Variants in UNC5D observed in about 807,000 individuals in gnomAD.
UNC5D encodes unc-5 netrin receptor D, also known as netrin receptor UNC5D.
Under a neutral mutation model 105.4 loss-of-function variants are expected in UNC5D, and 39 were observed. The observed-to-expected ratio is 0.37, with a 90% CI of 0.29 to 0.48. The LOEUF is 0.48. Ranked by LOEUF, UNC5D falls within the 20% of genes least tolerant of loss-of-function variation. The probability of loss-of-function intolerance (pLI) is 0.98; values close to 1 mark genes in which losing one functional copy is unlikely to be tolerated. For synonymous variants in UNC5D, 452 were observed against 450.4 expected, an observed-to-expected ratio of 1.00 and a Z score of -0.04; for missense variants, 991 against 1,202.4, an observed-to-expected ratio of 0.82 and a Z score of 2.60.
chr8:35,332,634 T>C (rs1479567253), intron 1 of UNC5D, among the ~76,000 whole-genome samples: 1 of 152,190 alleles, frequency 6.6e-6, no homozygotes, highest in Non-Finnish European at 1.5e-5. Flanking sequence ...TGCAACCAAC[T>C]ATCAATTTTA....
intron 2 of UNC5D, among the ~76,000 whole-genome samples, chr8:35,564,412 T>G (rs1817183664): frequency 6.6e-6 from 1 of 152,178 alleles, no homozygotes; most frequent in Non-Finnish European, 1.5e-5. Flanking sequence ...TACCTCCTCC[T>G]ACCTGTATGC....
chr8:35,451,539 C>T (rs1808154573), intron 1 of UNC5D, among the ~76,000 whole-genome samples: 2 of 152,092 alleles, frequency 1.3e-5, no homozygotes. Context: ...AGATGACTTG[C>T]CCAAGGTCAC....
chr8:35,655,327 T>C (rs776640526), intron 4 of UNC5D, among the ~76,000 whole-genome samples: 43 of 152,164 alleles, frequency 2.8e-4, no homozygotes, highest in Admixed American at 1.1e-3. Context: ...ATATAACAAG[T>C]ATTTGCACAC....
chr8:35,456,449 A>G (rs1808501820), intron 1 of UNC5D, among the ~76,000 whole-genome samples: 1 of 152,196 alleles, frequency 6.6e-6, no homozygotes, highest in African/African-American at 2.4e-5. Context: ...AGCCCCAATT[A>G]TAAGTTTGGA....
In UNC5D at chr8:35,686,695, G is replaced by T. The variant is rs750078389; in HGVS notation, c.1070G>T (p.Gly357Val). 6.3e-7 allele frequency: 1 copy of T among 1,596,496 alleles called. No individual in the cohort carries two copies. Among genetic ancestry groups the T allele is most frequent in the African/African-American group, 1.4e-5 (1 of 73,678 alleles). The change falls in exon 7 of 17, where the codon GGT becomes GTT. Residue 357 changes from glycine to valine, a missense_variant. This residue lies in a region of UNC5D where 944 missense variants were observed against 1,131.6 expected (regional missense o/e 0.83). Transcript: ENST00000404895. Reference sequence around the variant, plus strand: ...CAGGAATCTGAAAACTGCACAGATGGTCTTTGCATCCTAGGTAACACTTTT... The same window carrying T: ...CAGGAATCTGAAAACTGCACAGATGTTCTTTGCATCCTAGGTAACACTTTT... ...LSQESENCTDGLCILDKKPLH... is the reference protein window; with the variant it reads ...LSQESENCTDVLCILDKKPLH...
chr8:35,413,000 T>G (rs1296813081), intron 1 of UNC5D, among the ~76,000 whole-genome samples: 2 of 152,082 alleles, frequency 1.3e-5, no homozygotes, highest in African/African-American at 4.8e-5. Flanking sequence ...ATATGAAATG[T>G]CCTGGTTCTA....
At chr8:35,366,446 T>C (rs531888169) in intron 1 of UNC5D, among the ~76,000 whole-genome samples, 19 of 152,204 alleles carry the variant, frequency 1.2e-4, no homozygotes, top group African/African-American at 4.3e-4. Context: ...ATGTAACTTC[T>C]CAGGCAGTAT....
rs571320237 is a variant in UNC5D, at chr8:35,329,705, CT to C, written c.103+93819del. Among the ~76,000 whole-genome samples the C allele has an allele frequency of 5.5e-4, 83 of 152,252 alleles. 1 individual carries two copies. The highest frequency in any genetic ancestry group is 1.1e-3 in the Non-Finnish European group (77 of 68,026). ...ATTTTAAAAAGTCTGTAACTGGGGCCTAGTGCAATTGCCCCAGGAGGCCCTC... is the reference window on the plus strand; with the variant it reads ...ATTTTAAAAAGTCTGTAACTGGGGCCAGTGCAATTGCCCCAGGAGGCCCTC... On this transcript the variant is annotated intron_variant, in intron 1 of 16. Transcript: ENST00000404895.
At chr8:35,243,732 A>G (rs540550762) in intron 1 of UNC5D, among the ~76,000 whole-genome samples, 50 of 152,290 alleles carry the variant, frequency 3.3e-4, no homozygotes, top group Middle Eastern at 6.8e-3. Flanking sequence ...CCTTATCCCA[A>G]CATGGTGTGG....
intron 8 of UNC5D, among the ~76,000 whole-genome samples, chr8:35,721,212 C>T (rs1828564622): frequency 6.6e-6 from 1 of 151,908 alleles, no homozygotes; most frequent in Admixed American, 6.6e-5. Flanking sequence ...TTAGCACTTG[C>T]CATCCTCCAT....
chr8:35,270,465 G>T (rs532481456), intron 1 of UNC5D, among the ~76,000 whole-genome samples: 24 of 152,268 alleles, frequency 1.6e-4, no homozygotes, highest in Non-Finnish European at 2.9e-4. Flanking sequence ...TTCTGACTCT[G>T]ATTATATTGA....
intron 1 of UNC5D, among the ~76,000 whole-genome samples, chr8:35,247,639 A>G (rs1474642438): frequency 9.3e-4 from 59 of 63,652 alleles, no homozygotes; most frequent in African/African-American, 2.8e-3. Flanking sequence ...TATAATATAT[A>G]AATATATATT....
intron 1 of UNC5D, among the ~76,000 whole-genome samples, chr8:35,314,911 G>A (rs1050445345): frequency 2.6e-5 from 4 of 152,090 alleles, no homozygotes; most frequent in Admixed American, 6.6e-5. Flanking sequence ...TAAACACCAC[G>A]TAATGCTGTA....
chr8:35,441,634 G>A (rs1419997865), intron 1 of UNC5D, among the ~76,000 whole-genome samples: 1 of 151,676 alleles, frequency 6.6e-6, no homozygotes, highest in East Asian at 1.9e-4. Flanking sequence ...GTGGGTCACT[G>A]GCTTTCAAAG....
intron 1 of UNC5D, among the ~76,000 whole-genome samples, chr8:35,334,190 C>T (rs760787398): frequency 7.2e-5 from 11 of 152,004 alleles, no homozygotes; most frequent in Non-Finnish European, 1.3e-4. Flanking sequence ...CAAGGAAAAA[C>T]TAACTGCAGT....
intron 1 of UNC5D, among the ~76,000 whole-genome samples, chr8:35,354,337 T>C (rs1801433145): frequency 6.6e-6 from 1 of 152,146 alleles, no homozygotes; most frequent in Non-Finnish European, 1.5e-5. Flanking sequence ...CAGACTGTCA[T>C]TGAGAAACCT....
intron 1 of UNC5D, among the ~76,000 whole-genome samples, chr8:35,334,458 T>C (rs1810865861): frequency 6.6e-6 from 1 of 152,210 alleles, no homozygotes; most frequent in Admixed American, 6.5e-5. Flanking sequence ...GCATAAATTT[T>C]GGAGTTAGAC....
At chr8:35,384,300 C>T (rs1435229180) in intron 1 of UNC5D, among the ~76,000 whole-genome samples, 2 of 151,988 alleles carry the variant, frequency 1.3e-5, no homozygotes, top group South Asian at 2.1e-4. Flanking sequence ...CTGTTTCCCA[C>T]GGTATTTAGA....
chr8:35,723,656 C>T (rs1298092030), intron 9 of UNC5D, among the ~76,000 whole-genome samples: 1 of 152,156 alleles, frequency 6.6e-6, no homozygotes, highest in Non-Finnish European at 1.5e-5. Flanking sequence ...CCTCCCACCT[C>T]AGCCTCTGAA....
Sources: allele counts gnomAD v4.1 joint callset (sites outside exome capture counted in the v4.1 genomes callset), GRCh38; gene constraint gnomAD v4.1.1; regional missense constraint gnomAD v4.1.1; transcripts MANE v1.5; gene names NCBI Gene and HGNC (gene_info 2026-07-23, HGNC 2026-07-21).